MAU2: variants seen among roughly 807,000 people sequenced by gnomAD.
MAU2 encodes MAU2 sister chromatid cohesion factor, also known as MAU2 chromatid cohesion factor homolog.
Under a neutral mutation model 89.1 loss-of-function variants are expected in MAU2, and 9 were observed. The ratio of observed to expected loss-of-function variants is 0.10; its 90% CI spans 0.06 to 0.18. The LOEUF is 0.18. Among genes scored for constraint, MAU2 ranks in the 10% least tolerant of loss-of-function variants. MAU2 has a pLI of 1.00. For missense variants in MAU2, 425 were observed against 803.5 expected (o/e 0.53, Z 5.69); for synonymous variants, 357 against 343.4 (o/e 1.04, Z -0.44).
At chr19:19,347,183 C>G in intron 12 of MAU2, 97 bp from the exon 13 acceptor site, 1 of 764,800 alleles carries the variant, frequency 1.3e-6, no homozygotes, top group Non-Finnish European at 2.3e-6. Flanking sequence ...CAAGTCTTTT[C>G]CAAAGTAGTC....
chr19:19,336,592 A>G (rs933568582), intron 3 of MAU2, among the ~76,000 whole-genome samples: 2 of 152,204 alleles, frequency 1.3e-5, no homozygotes, highest in Non-Finnish European at 2.9e-5. Flanking sequence ...TTTAACACTC[A>G]GATTACTTTC....
chr19:19,324,995 C>T (rs1028075346), intron 1 of MAU2, among the ~76,000 whole-genome samples: 1 of 152,084 alleles, frequency 6.6e-6, no homozygotes, highest in African/African-American at 2.4e-5. Context: ...AATAAAGAAT[C>T]GTATGTTCTC....
chr19:19,342,558 G>A lies in MAU2; in HGVS notation c.759G>A (p.Leu253=). ...AGQVKSVKPC[L]KQLQQCIQTI... ...AGGTGAAGAGCGTGAAGCCGTGTCTGAAGCAGCTGCAGCAGTGCATCCAGA... is the reference window on the plus strand; with the variant it reads ...AGGTGAAGAGCGTGAAGCCGTGTCTAAAGCAGCTGCAGCAGTGCATCCAGA... The change falls in exon 8 of 19, where the codon CTG becomes CTA. Residue 253 remains leucine (L), a synonymous_variant. Coordinates refer to ENST00000262815, the MANE Select transcript of MAU2 (RefSeq NM_015329.4). 1 of 1,602,072 alleles carries A rather than the reference G, an allele frequency of 6.2e-7. No homozygotes were observed. The highest frequency in any genetic ancestry group is 8.5e-7 in the Non-Finnish European group (1 of 1,173,616).
chr19:19,338,777 G>A, intron 4 of MAU2, 68 bp from the exon 5 acceptor site: 3 of 1,193,310 alleles, frequency 2.5e-6, no homozygotes, highest in Admixed American at 2.3e-5. Context: ...TGCTAACAGA[G>A]CACGAAGGCA....
At chr19:19,334,524 C>T in intron 1 of MAU2, 3 of 985,844 alleles carry the variant, frequency 3.0e-6, no homozygotes, top group Non-Finnish European at 3.6e-6. Context: ...GATCTCCAGG[C>T]CTCACTGGCT....
intron 4 of MAU2, 99 bp from the exon 5 acceptor site, chr19:19,338,746 G>T (rs545976347): frequency 2.4e-5 from 19 of 784,306 alleles, no homozygotes; most frequent in Non-Finnish European, 3.7e-5. Context: ...TTTCACTGAC[G>T]TGGGGAGGTT....
chr19:19,334,379 GTCC>G (rs2061579952), intron 1 of MAU2: 1 of 985,842 alleles, frequency 1.0e-6, no homozygotes, highest in Non-Finnish European at 1.2e-6. Flanking sequence ...TCCCACAGCT[GTCC>G]TCCTGGCCCC....
intron 1 of MAU2, among the ~76,000 whole-genome samples, chr19:19,333,480 T>G (rs908524565): frequency 2.6e-5 from 4 of 152,144 alleles, no homozygotes; most frequent in Admixed American, 2.6e-4. Flanking sequence ...AGTGAGACTG[T>G]GTCTCAAAAA....
At chr19:19,355,206 G>A in intron 17 of MAU2, 58 bp from the exon 18 acceptor site, 1 of 1,608,914 alleles carries the variant, frequency 6.2e-7, no homozygotes. Flanking sequence ...GCACCGAGTG[G>A]GAGGGCCTGG....
At chr19:19,339,893 G>A (rs1251373689) in intron 5 of MAU2, among the ~76,000 whole-genome samples, 2 of 151,900 alleles carry the variant, frequency 1.3e-5, no homozygotes, top group Non-Finnish European at 2.9e-5. Flanking sequence ...GCATGGCCGG[G>A]CGCAGTGGCT....
chr19:19,322,839 C>T (rs1242036848), intron 1 of MAU2, among the ~76,000 whole-genome samples: 1 of 152,110 alleles, frequency 6.6e-6, no homozygotes, highest in Admixed American at 6.6e-5. Flanking sequence ...TAGATCAAAT[C>T]TTTGTTTCAC....
intron 9 of MAU2, among the ~76,000 whole-genome samples, chr19:19,343,355 T>C (rs193286376): frequency 6.6e-6 from 1 of 152,338 alleles, no homozygotes; most frequent in East Asian, 1.9e-4. Context: ...TCGTGAGTGC[T>C]GCTGGGGGAG....
At position 19,321,001 on chromosome 19, in the gene MAU2, G is replaced by A; in HGVS notation, c.142G>A (p.Val48Met). 6.2e-7 allele frequency: 1 copy of A among 1,610,954 alleles called. No homozygotes were observed. The change falls in exon 1 of 19, where the codon GTG becomes ATG. Residue 48 changes from valine (V) to methionine (M), a missense_variant. Coordinates refer to ENST00000262815, the MANE Select transcript of MAU2 (RefSeq NM_015329.4). ...TSSPPKIRLCVHCLQAVFPFK... is the reference protein window; with the variant it reads ...TSSPPKIRLCMHCLQAVFPFK... ...CAGCCCGCCCAAAATCCGCCTGTGC[G>A]TGCACTGCCTGCAGGCCGTGTTCCC... is the stretch of plus-strand genomic sequence containing the variant.
At chr19:19,348,809 T>G (rs1424948551) in intron 13 of MAU2, 80 bp from the exon 14 acceptor site, 1 of 1,459,614 alleles carries the variant, frequency 6.9e-7, no homozygotes, top group African/African-American at 1.4e-5. Flanking sequence ...GTAGAGAAAT[T>G]CCCATGCACT....
intron 10 of MAU2, chr19:19,344,437 G>T: frequency 4.1e-6 from 1 of 245,884 alleles, no homozygotes; most frequent in East Asian, 9.5e-5. Context: ...AAAAACTAAT[G>T]GGCCATGGCC....
intron 1 of MAU2, among the ~76,000 whole-genome samples, chr19:19,335,510 C>T (rs1163933964): frequency 6.6e-6 from 1 of 152,162 alleles, no homozygotes; most frequent in East Asian, 1.9e-4. Context: ...CCTGCCCAGG[C>T]ACCCACTGGG....
intron 1 of MAU2, among the ~76,000 whole-genome samples, chr19:19,330,054 C>A (rs2061543709): frequency 6.6e-6 from 1 of 151,764 alleles, no homozygotes; most frequent in African/African-American, 2.4e-5. Flanking sequence ...ATCTTAGCTC[C>A]CTGCCACTTC....
chr19:19,345,496 T>C lies in MAU2; in HGVS notation c.1221+127T>C. ...TGCAAAGCCGCAGCCCCAGAGGCAA[T>C]GCACAGTAGTCAGCCCATGCCAGCC... is the stretch of plus-strand genomic sequence containing the variant. On this transcript the variant is annotated intron_variant, in intron 12 of 18. Transcript: ENST00000262815. This position sits in a 1 kb window ranked among gnomAD's most constrained non-coding sequence, Gnocchi z 4.9. 3.5e-6 allele frequency: 3 copies of C among 869,350 alleles called. No homozygotes were observed. The highest frequency in any genetic ancestry group is 5.6e-6 in the Non-Finnish European group (3 of 533,492). The allele number at this position is 869,350 out of a possible 1,614,324, so 53.9% of individuals were successfully genotyped here.
chr19:19,347,394 C>A, intron 13 of MAU2, 28 bp downstream of exon 13: 2 of 1,553,640 alleles, frequency 1.3e-6, no homozygotes, highest in Non-Finnish European at 8.9e-7. Context: ...TGTTCGGTAT[C>A]CTTTCTCTCT....
Sources: gnomAD v4.1 joint callset for allele counts (sites outside exome capture counted in the v4.1 genomes callset) on GRCh38, gnomAD v4.1.1 for gene constraint, Gnocchi (gnomAD v3.1) non-coding constraint, MANE v1.5 for transcripts, NCBI Gene and HGNC (gene_info 2026-07-23, HGNC 2026-07-21) for gene names.